The following ADD3 variants were observed in gnomAD, a reference collection of about 807,000 sequenced individuals.
The protein encoded by ADD3 is gamma-adducin.
A neutral mutation model predicts 80.2 loss-of-function variants in ADD3; 25 were observed. That is an observed-to-expected ratio of 0.31 (90% CI 0.23 to 0.44). ADD3 has a LOEUF of 0.44. Among genes scored for constraint, ADD3 ranks in the 20% least tolerant of loss-of-function variants. The pLI, the probability that ADD3 is intolerant of heterozygous loss-of-function variation, is 1.00. For synonymous variants in ADD3, 284 were observed against 289.6 expected (o/e 0.98, Z 0.20); for missense variants, 829 against 847.5 (o/e 0.98, Z 0.27).
intron 1 of ADD3, among the ~76,000 whole-genome samples, chr10:110,055,728 A>G (rs1858105314): frequency 6.6e-6 from 1 of 152,192 alleles, no homozygotes; most frequent in African/African-American, 2.4e-5. Context: ...CTAAGCCACA[A>G]AATGGATCTT....
Position 110,125,756 on chromosome 10 carries a change from C to T in ADD3, c.1402-70C>T, listed in dbSNP as rs538913166. The T allele has an allele frequency of 4.0e-5, 47 of 1,188,470 alleles. No individual in the cohort carries two copies. In the African/African-American group the frequency reaches 6.8e-4, roughly 17 times the overall value. The allele number at this position is 1,188,470 out of a possible 1,614,324, so 73.6% of individuals were successfully genotyped here. A position where few individuals can be genotyped will look rare whatever the true frequency, so the allele number is the denominator to read the frequency against. ...GCAATGCCCCTCTTGAGACTATAAG[C>T]AGTTATCTAACAATCTACTAATATT... On this transcript the variant is annotated intron_variant, in intron 10 of 14. Coordinates refer to ENST00000356080, the MANE Select transcript of ADD3 (RefSeq NM_016824.5).
intron 1 of ADD3, among the ~76,000 whole-genome samples, chr10:110,091,290 A>G (rs1847471106): frequency 6.6e-6 from 1 of 152,180 alleles, no homozygotes; most frequent in Admixed American, 6.6e-5. Context: ...TAACTCCACC[A>G]TGCCTGTTAA....
chr10:110,011,002 C>G (rs549262349), intron 1 of ADD3, among the ~76,000 whole-genome samples: 1 of 152,098 alleles, frequency 6.6e-6, no homozygotes, highest in South Asian at 2.1e-4. Context: ...AGGGTATTCT[C>G]TTTTGATACA....
At chr10:110,128,049 A>ATTTTTTTTTTTTTTTTTTTTT (rs71486096) in intron 12 of ADD3, among the ~76,000 whole-genome samples, 1 of 106,014 alleles carries the variant, frequency 9.4e-6, no homozygotes, top group African/African-American at 3.6e-5. Context: ...TTTGTTTAGG[A>ATTTTTTTTTTTTTTTTTTTTT]TTTTTTTTTT....
At chr10:110,085,121 G>T (rs377678633) in intron 1 of ADD3, among the ~76,000 whole-genome samples, 1 of 152,140 alleles carries the variant, frequency 6.6e-6, no homozygotes, top group East Asian at 1.9e-4. Flanking sequence ...AAATATCAAT[G>T]TATACATACA....
intron 1 of ADD3, among the ~76,000 whole-genome samples, chr10:110,080,256 C>G (rs886703835): frequency 1.3e-5 from 2 of 152,106 alleles, no homozygotes; most frequent in African/African-American, 4.8e-5. Context: ...ACCTGACCTC[C>G]TTGAATCCTC....
chr10:110,078,795 G>A (rs1417163445), intron 1 of ADD3, among the ~76,000 whole-genome samples: 1 of 152,148 alleles, frequency 6.6e-6, no homozygotes, highest in Non-Finnish European at 1.5e-5. Flanking sequence ...TGGTTACAAT[G>A]TACTGTCCCT....
chr10:110,087,187 C>G (rs1280300965), intron 1 of ADD3, among the ~76,000 whole-genome samples: 1 of 152,080 alleles, frequency 6.6e-6, no homozygotes, highest in Admixed American at 6.5e-5. Flanking sequence ...CACCACCACG[C>G]CCAGCTAATT....
chr10:110,128,634 G>T (rs529407323), intron 12 of ADD3, among the ~76,000 whole-genome samples: 1 of 152,220 alleles, frequency 6.6e-6, no homozygotes, highest in East Asian at 1.9e-4. Context: ...AGCCAGGATG[G>T]TTTCAATCTC....
rs898008898 is a variant in ADD3, at chr10:110,096,913, G to A, written c.-29-3712G>A. Among the ~76,000 whole-genome samples the A allele has an allele frequency of 2.0e-5, 3 of 152,284 alleles. 1 individual carries two copies. The South Asian group carries it at 6.2e-4, about 32-fold the overall frequency. ...CTAGAGGCATCTAACAGGTAACTCA[G>A]GTGGAAAGGGCTCTACAAGTGGACC... On this transcript the variant is annotated intron_variant, in intron 1 of 14. Transcript: ENST00000356080.
intron 1 of ADD3, among the ~76,000 whole-genome samples, chr10:110,013,927 CTT>C (rs1309979610): frequency 3.3e-5 from 5 of 152,206 alleles, no homozygotes; most frequent in Admixed American, 1.3e-4. Flanking sequence ...CGGTGTATGT[CTT>C]TGTCACCATT....
At chr10:110,041,781 C>T (rs962661301) in intron 1 of ADD3, among the ~76,000 whole-genome samples, 29 of 152,314 alleles carry the variant, frequency 1.9e-4, no homozygotes, top group Middle Eastern at 6.8e-3. Context: ...CAAGAAGTTA[C>T]TTGCAATAGA....
chr10:110,001,161 T>C (rs1851476650), upstream of ADD3, among the ~76,000 whole-genome samples: 1 of 152,156 alleles, frequency 6.6e-6, no homozygotes, highest in Admixed American at 6.5e-5. Context: ...ACACCTGTAG[T>C]CCCAGCACTT....
intron 1 of ADD3, among the ~76,000 whole-genome samples, chr10:110,082,766 CTTATT>C (rs749243164): frequency 1.3e-5 from 2 of 152,150 alleles, no homozygotes; most frequent in African/African-American, 4.8e-5. Flanking sequence ...TATGTATTTA[CTTATT>C]TTAAGTATTT....
intron 1 of ADD3, among the ~76,000 whole-genome samples, chr10:110,087,193 T>A (rs1219060711): frequency 6.6e-6 from 1 of 152,064 alleles, no homozygotes; most frequent in Non-Finnish European, 1.5e-5. Flanking sequence ...CACGCCCAGC[T>A]AATTTTTGTA....
At chr10:110,050,803 G>A (rs915057511) in intron 1 of ADD3, among the ~76,000 whole-genome samples, 3 of 152,228 alleles carry the variant, frequency 2.0e-5, no homozygotes, top group African/African-American at 4.8e-5. Context: ...AGGAGCCACC[G>A]TGCCTTTCTA....
intron 1 of ADD3, among the ~76,000 whole-genome samples, chr10:110,044,145 T>C (rs540510453): frequency 4.9e-4 from 75 of 152,302 alleles, no homozygotes; most frequent in African/African-American, 1.8e-3. Context: ...GAGGTTGCAG[T>C]GAGCCAAGAT....
At chr10:110,123,330 A>G (rs899755597) in intron 9 of ADD3, among the ~76,000 whole-genome samples, 13 of 152,222 alleles carry the variant, frequency 8.5e-5, no homozygotes, top group African/African-American at 3.1e-4. Flanking sequence ...TTACATTGCT[A>G]CCAACAGTGT....
intron 13 of ADD3, 56 bp from the exon 14 acceptor site, chr10:110,132,249 T>G (rs1333580974): frequency 7.7e-7 from 1 of 1,306,552 alleles, no homozygotes; most frequent in Non-Finnish European, 1.1e-6. Flanking sequence ...CTCCCTAAAA[T>G]CATATGCTGC....
Sources: allele counts gnomAD v4.1 joint callset (sites outside exome capture counted in the v4.1 genomes callset), GRCh38; gene constraint gnomAD v4.1.1; transcripts MANE v1.5; gene names NCBI Gene and HGNC (gene_info 2026-07-23, HGNC 2026-07-21).